The following RALGDS variants were observed in gnomAD, a reference collection of about 807,000 sequenced individuals.
The protein encoded by RALGDS is ral guanine nucleotide exchange factor.
RALGDS carries 44 observed loss-of-function variants against 99.8 expected under a neutral mutation model. The ratio of observed to expected loss-of-function variants is 0.44; its 90% CI spans 0.35 to 0.57. The LOEUF is 0.57. RALGDS is among the 20% of genes least tolerant of loss of function. The pLI, the probability that RALGDS is intolerant of heterozygous loss-of-function variation, is 0.01. For synonymous variants in RALGDS, 529 were observed against 505.0 expected (o/e 1.05, Z -0.64); for missense variants, 1,022 against 1,203.1 (o/e 0.85, Z 2.23).
chr9:133,105,530 C>T (rs1830974076), intron 9 of RALGDS, among the ~76,000 whole-genome samples: 1 of 152,104 alleles, frequency 6.6e-6, no homozygotes, highest in Non-Finnish European at 1.5e-5. Context: ...GTGTGTAGAG[C>T]AGACAGAGGT....
chr9:133,128,788 T>C (rs1405947060), intron 1 of RALGDS, among the ~76,000 whole-genome samples: 1 of 152,204 alleles, frequency 6.6e-6, no homozygotes, highest in Non-Finnish European at 1.5e-5. Flanking sequence ...CTCAGGCTTC[T>C]CAGGGGAGCA....
intron 16 of RALGDS, chr9:133,101,177 A>G (rs1331472813): frequency 1.7e-6 from 2 of 1,202,794 alleles, no homozygotes; most frequent in Admixed American, 7.3e-5. Context: ...CAGACAGAGA[A>G]GCCAGCCATC....
intron 1 of RALGDS, among the ~76,000 whole-genome samples, chr9:133,128,105 C>A (rs1050355366): frequency 1.3e-5 from 2 of 152,226 alleles, no homozygotes; most frequent in Middle Eastern, 3.2e-3. Context: ...AGCTGTCCCC[C>A]ACTCCTGCAG....
intron 2 of RALGDS, 75 bp downstream of exon 2, chr9:133,111,967 G>A: frequency 9.0e-7 from 1 of 1,109,018 alleles, no homozygotes; most frequent in Non-Finnish European, 1.3e-6. Flanking sequence ...GATCAGAACT[G>A]GGGGCCCTCA....
At chr9:133,138,228 A>G (rs1042617430) in intron 1 of RALGDS, among the ~76,000 whole-genome samples, 18 of 152,172 alleles carry the variant, frequency 1.2e-4, no homozygotes, top group African/African-American at 4.3e-4. Flanking sequence ...GCCTGCAAGA[A>G]GTTCCCCAGG....
intron 1 of RALGDS, chr9:133,130,804 C>T (rs1170551413): frequency 7.9e-6 from 6 of 760,968 alleles, no homozygotes; most frequent in Non-Finnish European, 1.2e-5. Context: ...CAAGATCTCA[C>T]AGGAAAAGTG....
At chr9:133,115,064 A>G (rs1431802054) in intron 1 of RALGDS, among the ~76,000 whole-genome samples, 3 of 152,136 alleles carry the variant, frequency 2.0e-5, no homozygotes, top group Non-Finnish European at 4.4e-5. Context: ...TGGCTGACAG[A>G]AGGAGGAAGC....
Position 133,112,135 on chromosome 9 carries a change from G to A in RALGDS, c.201C>T (p.Ile67=), listed in dbSNP as rs753711943. 1.7e-5 allele frequency: 27 copies of A among 1,567,096 alleles called. No individual in the cohort carries two copies. Among genetic ancestry groups the A allele is most frequent in the Admixed American group, 7.4e-5 (4 of 54,346 alleles). The change falls in exon 2 of 18, where the codon ATC becomes ATT. Residue 67 remains isoleucine, a synonymous_variant. Transcript: ENST00000372050. The part of the protein sequence containing the change: ...LPRPESSTQE[I]GEELINGVIY... Reference sequence around the variant, plus strand: ...TGACTCCGTTGATCAGCTCCTCACCGATCTCCTGCGTGGAGCTCTGTGAAG... The same window carrying A: ...TGACTCCGTTGATCAGCTCCTCACCAATCTCCTGCGTGGAGCTCTGTGAAG...
At chr9:133,125,740 A>G (rs150667752), upstream of RALGDS, among the ~76,000 whole-genome samples, 35 of 152,218 alleles carry the variant, frequency 2.3e-4, no homozygotes, top group Non-Finnish European at 4.4e-4. Flanking sequence ...CGTCTCAAAA[A>G]AAGAAGAAAA....
intron 2 of RALGDS, 45 bp from the exon 3 acceptor site, chr9:133,110,534 G>A (rs747213069): frequency 4.6e-6 from 7 of 1,529,390 alleles, no homozygotes; most frequent in South Asian, 3.4e-5. Context: ...GGCAGCACAC[G>A]AATCTCCTGG....
chr9:133,103,121 A>AATGTCCC lies in RALGDS; in HGVS notation c.1791+102_1791+108dup. On this transcript the variant is annotated intron_variant, in intron 12 of 17. Transcript: ENST00000372050. ...GGGGACCCCCTTCTCTCTGTGTCCAAATGTCCCATGTCCCATGAATCTAAG... is the reference window on the plus strand; with the variant it reads ...GGGGACCCCCTTCTCTCTGTGTCCAAATGTCCCATGTCCCATGTCCCATGAATCTAAG... The AATGTCCC allele has an allele frequency of 5.4e-6, 8 of 1,485,870 alleles. No individual in the cohort carries two copies. In the South Asian group the frequency reaches 6.9e-5, roughly 13 times the overall value. The allele number at this position is 1,485,870 out of a possible 1,614,324, so 92.0% of individuals were successfully genotyped here.
Position 133,127,134 on chromosome 9 carries a change from G to C in RALGDS, c.132+3818C>G, listed in dbSNP as rs797015014. ...TTCCTTGGCCAGTACATCCTTGGCC[G>C]GTACCTGAGAGGCAGATCATAAAAG... is the stretch of plus-strand genomic sequence containing the variant. On this transcript the variant is annotated intron_variant, in intron 1 of 17. Coordinates refer to the RALGDS transcript ENST00000372062. Among the ~76,000 whole-genome samples the C allele has an allele frequency of 6.6e-5, 10 of 152,356 alleles. 1 individual carries two copies. The highest frequency in any genetic ancestry group is 2.4e-4 in the African/African-American group (10 of 41,572).
At chr9:133,135,827 CA>C (rs923845089), upstream of RALGDS, among the ~76,000 whole-genome samples, 1 of 152,112 alleles carries the variant, frequency 6.6e-6, no homozygotes, top group Non-Finnish European at 1.5e-5. Context: ...TGCTCCGTGT[CA>C]AAAAAATGGC....
At chr9:133,112,707 G>A (rs1436920182) in intron 1 of RALGDS, among the ~76,000 whole-genome samples, 1 of 152,184 alleles carries the variant, frequency 6.6e-6, no homozygotes, top group East Asian at 1.9e-4. Context: ...GACCTAGCAG[G>A]AACGCACAGC....
At chr9:133,130,190 TCA>T (rs1832292727) in intron 1 of RALGDS, among the ~76,000 whole-genome samples, 1 of 152,022 alleles carries the variant, frequency 6.6e-6, no homozygotes, top group Admixed American at 6.6e-5. Flanking sequence ...CAGGCTGGTC[TCA>T]AACTCCTGAC....
intron 4 of RALGDS, 91 bp downstream of exon 4, chr9:133,109,535 C>T: frequency 2.5e-6 from 3 of 1,220,418 alleles, no homozygotes; most frequent in Non-Finnish European, 3.6e-6. Context: ...GGGTTCTGCC[C>T]AGCCAGCCCC....
rs530198589 is a variant in RALGDS at position 133,116,324 on chromosome 9, G to A, written c.184-4172C>T. ...GCGGCCTCAGACCGGGACGACACGCGGTGCCTGCCCACCAGGATGCTCCCT... is the reference window on the plus strand; with the variant it reads ...GCGGCCTCAGACCGGGACGACACGCAGTGCCTGCCCACCAGGATGCTCCCT... On this transcript the variant is annotated intron_variant, in intron 1 of 17. Transcript: ENST00000372050. 7.2e-5 allele frequency among the ~76,000 whole-genome samples: 11 copies of A among 152,358 alleles called. No homozygotes were observed. In the South Asian group the frequency reaches 8.3e-4, roughly 11 times the overall value.
intron 2 of RALGDS, 65 bp downstream of exon 2, chr9:133,111,977 A>C: frequency 1.6e-6 from 2 of 1,242,472 alleles, no homozygotes. Flanking sequence ...GGGGGCCCTC[A>C]AGTGAAAAAG....
intron 6 of RALGDS, 136 bp from the exon 7 acceptor site, chr9:133,107,436 A>G (rs1005782105): frequency 4.9e-6 from 4 of 821,526 alleles, no homozygotes; most frequent in Non-Finnish European, 8.1e-6. Context: ...CCAGCACACA[A>G]GTGACCCGGG....
Sources: gnomAD v4.1 joint callset for allele counts (sites outside exome capture counted in the v4.1 genomes callset) on GRCh38, gnomAD v4.1.1 for gene constraint, MANE v1.5 for transcripts, NCBI Gene and HGNC (gene_info 2026-07-23, HGNC 2026-07-21) for gene names.